The following ATXN1 variants were observed in gnomAD, a reference collection of about 807,000 sequenced individuals.
The protein encoded by ATXN1 is ataxin-1.
A neutral mutation model predicts 56.4 loss-of-function variants in ATXN1; 8 were observed. That is an observed-to-expected ratio of 0.14 (90% CI 0.08 to 0.26). ATXN1 has a LOEUF of 0.26. ATXN1 is among the 10% of genes least tolerant of loss of function. The pLI is 1.00. For missense variants in ATXN1, 987 were observed against 1,106.5 expected (o/e 0.89, Z 1.53); for synonymous variants, 514 against 494.6 (o/e 1.04, Z -0.52).
intron 6 of ATXN1, among the ~76,000 whole-genome samples, chr6:16,412,280 T>C (rs556376813): frequency 3.3e-5 from 5 of 152,280 alleles, no homozygotes; most frequent in African/African-American, 9.6e-5. Flanking sequence ...TTGAAATAAA[T>C]CAGGTCTTAA....
intron 3 of ATXN1, among the ~76,000 whole-genome samples, chr6:16,626,379 C>A (rs1251076911): frequency 2.0e-5 from 3 of 152,136 alleles, no homozygotes; most frequent in East Asian, 3.9e-4. Context: ...AACCTCTCTG[C>A]CTCCCAGGTT....
At chr6:16,444,404 G>A (rs1469509831) in intron 6 of ATXN1, among the ~76,000 whole-genome samples, 1 of 152,150 alleles carries the variant, frequency 6.6e-6, no homozygotes, top group African/African-American at 2.4e-5. Flanking sequence ...AGCCAGTATT[G>A]GATTAAAAGG....
chr6:16,609,215 G>GT, intron 3 of ATXN1, among the ~76,000 whole-genome samples: 1 of 152,314 alleles, frequency 6.6e-6, no homozygotes, highest in South Asian at 2.1e-4. Flanking sequence ...AACGCTGGAG[G>GT]TGAGAGCAGG....
chr6:16,470,261 G>A (rs1193473338), intron 6 of ATXN1, among the ~76,000 whole-genome samples: 1 of 152,112 alleles, frequency 6.6e-6, no homozygotes, highest in Admixed American at 6.6e-5. Flanking sequence ...CCACTTATAT[G>A]AGCCACTTAC....
intron 6 of ATXN1, among the ~76,000 whole-genome samples, chr6:16,351,402 AG>A (rs1761562919): frequency 7.1e-6 from 1 of 140,082 alleles, no homozygotes; most frequent in Non-Finnish European, 1.5e-5. Context: ...TTTTAATTTC[AG>A]GGTTTTTTTT....
intron 2 of ATXN1, among the ~76,000 whole-genome samples, chr6:16,742,722 G>A (rs997614908): frequency 6.6e-6 from 1 of 152,144 alleles, no homozygotes; most frequent in Non-Finnish European, 1.5e-5. Context: ...ATGGTCACCC[G>A]GCCGGCCAAC....
intron 2 of ATXN1, among the ~76,000 whole-genome samples, chr6:16,719,734 C>A (rs1321195262): frequency 6.6e-6 from 1 of 152,100 alleles, no homozygotes; most frequent in Non-Finnish European, 1.5e-5. Flanking sequence ...CACTGTTCTT[C>A]TAAGAGACAG....
chr6:16,515,861 C>G (rs1408976143), intron 5 of ATXN1, among the ~76,000 whole-genome samples: 1 of 152,136 alleles, frequency 6.6e-6, no homozygotes, highest in Non-Finnish European at 1.5e-5. Flanking sequence ...GGGATGGAAT[C>G]ATGGAAGCAT....
At chr6:16,757,534 C>A (rs1760922762) in intron 1 of ATXN1, among the ~76,000 whole-genome samples, 1 of 152,128 alleles carries the variant, frequency 6.6e-6, no homozygotes, top group Non-Finnish European at 1.5e-5. Context: ...TCTGACCAGG[C>A]CACAATGAAT....
At chr6:16,478,689 A>G (rs1324363576) in intron 6 of ATXN1, among the ~76,000 whole-genome samples, 1 of 152,170 alleles carries the variant, frequency 6.6e-6, no homozygotes, top group Non-Finnish European at 1.5e-5. Context: ...AAGACTGCCT[A>G]TCAAAGTCTT....
rs561442495 is a variant in ATXN1 at position 16,408,019 on chromosome 6, G to A, written c.-161+77953C>T. On this transcript the variant is annotated intron_variant, in intron 6 of 7. Coordinates refer to ENST00000436367, the MANE Select transcript of ATXN1 (RefSeq NM_001128164.2). ...TAAGGTGCATCTGCTAGGCATGCGG[G>A]ATTGGGGGCATGGGGGTGTCAACAA... Among the ~76,000 whole-genome samples, 13 of 152,276 alleles carry A rather than the reference G, an allele frequency of 8.5e-5. No individual in the cohort carries two copies. In the East Asian group the frequency reaches 2.5e-3, roughly 29 times the overall value.
At chr6:16,519,324 T>C (rs1761243091) in intron 5 of ATXN1, among the ~76,000 whole-genome samples, 1 of 152,314 alleles carries the variant, frequency 6.6e-6, no homozygotes, top group East Asian at 1.9e-4. Context: ...GGAAAAAAAG[T>C]ATCCGTTGGA....
chr6:16,562,458 G>GGAAAGGAAAGGAAAGGAAAGGAAAGGAA lies in ATXN1; in HGVS notation c.-361+23321_-361+23322insTTCCTTTCCTTTCCTTTCCTTTCCTTTC, dbSNP rs1561756150. ...GAAGAAAAGAAAAGAAAGAAAAGGA[G>GGAAAGGAAAGGAAAGGAAAGGAAAGGAA]AGGAGAGGAGAGGAGAGGAGAGGAG... On this transcript the variant is annotated intron_variant, in intron 4 of 7. Coordinates refer to ENST00000436367, the MANE Select transcript of ATXN1 (RefSeq NM_001128164.2). 2.6e-3 allele frequency among the ~76,000 whole-genome samples: 133 copies of GGAAAGGAAAGGAAAGGAAAGGAAAGGAA among 51,872 alleles called. 1 individual carries two copies. Among genetic ancestry groups the GGAAAGGAAAGGAAAGGAAAGGAAAGGAA allele is most frequent in the African/African-American group, 6.5e-3 (123 of 18,942 alleles). The allele number at this position is 51,872 out of a possible 152,430, so 34.0% of individuals were successfully genotyped here. A position where few individuals can be genotyped will look rare whatever the true frequency, so the allele number is the denominator to read the frequency against.
chr6:16,713,227 G>A (rs775283600), intron 2 of ATXN1, among the ~76,000 whole-genome samples: 9 of 152,288 alleles, frequency 5.9e-5, no homozygotes, highest in Middle Eastern at 3.4e-3. Flanking sequence ...TAGAGGGACC[G>A]CTCCATGAAT....
At chr6:16,660,861 CAG>C (rs1758305934) in intron 2 of ATXN1, among the ~76,000 whole-genome samples, 1 of 81,276 alleles carries the variant, frequency 1.2e-5, no homozygotes, top group African/African-American at 5.4e-5. Flanking sequence ...TTTTTTGAGA[CAG>C]AGTTTTGCTC....
chr6:16,700,502 G>A (rs1430668373), intron 2 of ATXN1, among the ~76,000 whole-genome samples: 3 of 152,114 alleles, frequency 2.0e-5, no homozygotes, highest in Admixed American at 1.3e-4. Flanking sequence ...CTTACCAGGA[G>A]ATCAGATTGT....
chr6:16,754,095 T>C (rs780521198), intron 1 of ATXN1: 4 of 152,222 alleles, frequency 2.6e-5, no homozygotes, highest in African/African-American at 7.2e-5. Flanking sequence ...GTAAAACCTA[T>C]GCATAGAAAC....
chr6:16,469,952 C>T (rs1233072578), intron 6 of ATXN1, among the ~76,000 whole-genome samples: 1 of 104,050 alleles, frequency 9.6e-6, no homozygotes, highest in Non-Finnish European at 1.9e-5. Context: ...AAGAGCAAAA[C>T]TCTGTCTCAA....
At chr6:16,759,528 C>CTTTT (rs1264650257) in intron 1 of ATXN1, among the ~76,000 whole-genome samples, 19 of 64,488 alleles carry the variant, frequency 2.9e-4, no homozygotes, top group East Asian at 2.2e-3. Context: ...CTTCTTCCGA[C>CTTTT]TGTTTTTTTT....
Sources: allele counts gnomAD v4.1 joint callset (sites outside exome capture counted in the v4.1 genomes callset), GRCh38; gene constraint gnomAD v4.1.1; transcripts MANE v1.5; gene names NCBI Gene and HGNC (gene_info 2026-07-23, HGNC 2026-07-21).